Variants in RBFOX1 observed in about 807,000 individuals in gnomAD.
The protein encoded by RBFOX1 is RNA binding protein fox-1 homolog 1.
In RBFOX1, 8 loss-of-function variants were observed where a neutral mutation model predicts 57.7. That is an observed-to-expected ratio of 0.14 (90% CI 0.08 to 0.25). The LOEUF is 0.25. Among genes scored for constraint, RBFOX1 ranks in the 10% least tolerant of loss-of-function variants. The pLI is 1.00. For missense variants in RBFOX1, 611 were observed against 548.5 expected (o/e 1.11, Z -1.14); for synonymous variants, 326 against 222.4 (o/e 1.47, Z -4.15).
intron 2 of RBFOX1, among the ~76,000 whole-genome samples, chr16:6,557,152 C>CAT (rs1012120726): frequency 1.3e-4 from 19 of 142,834 alleles, no homozygotes; most frequent in African/African-American, 3.8e-4. Flanking sequence ...TATATACACA[C>CAT]ATATATATAC....
chr16:6,582,459 C>G (rs1780066498), intron 2 of RBFOX1, among the ~76,000 whole-genome samples: 1 of 18,692 alleles, frequency 5.3e-5, no homozygotes, highest in Non-Finnish European at 1.2e-4. Context: ...ATGTTAGCGC[C>G]AATTTTTTTT....
chr16:5,475,104 T>C (rs1038561091), intron 2 of RBFOX1, among the ~76,000 whole-genome samples: 3 of 152,234 alleles, frequency 2.0e-5, no homozygotes, highest in Non-Finnish European at 2.9e-5. Context: ...TTTCGTTTAT[T>C]CAGCCAGTCT....
chr16:7,021,997 C>CCCCTCT (rs2039342889), intron 3 of RBFOX1, among the ~76,000 whole-genome samples: 1 of 32,170 alleles, frequency 3.1e-5, no homozygotes, highest in Non-Finnish European at 5.5e-5. Flanking sequence ...CTTCCCCCTC[C>CCCCTCT]CCCTCTCCCT....
chr16:7,226,555 C>T (rs1603377890), intron 4 of RBFOX1, among the ~76,000 whole-genome samples: 1 of 152,176 alleles, frequency 6.6e-6, no homozygotes, highest in African/African-American at 2.4e-5. Flanking sequence ...CTCAATGGTG[C>T]CTCCATAGGG....
intron 3 of RBFOX1, among the ~76,000 whole-genome samples, chr16:5,767,723 G>C (rs997359768): frequency 5.3e-5 from 8 of 152,104 alleles, no homozygotes; most frequent in Non-Finnish European, 1.2e-4. Flanking sequence ...TGTTGACAGG[G>C]GAATCCTGTT....
intron 3 of RBFOX1, among the ~76,000 whole-genome samples, chr16:6,843,972 T>C (rs1170646340): frequency 6.6e-6 from 1 of 152,144 alleles, no homozygotes; most frequent in Non-Finnish European, 1.5e-5. Context: ...GATCGTAATG[T>C]GTACAATTCA....
At chr16:6,113,985 G>C (rs932779097) in intron 1 of RBFOX1, among the ~76,000 whole-genome samples, 9 of 152,148 alleles carry the variant, frequency 5.9e-5, no homozygotes, top group Non-Finnish European at 8.8e-5. Flanking sequence ...CTGTCAAAGA[G>C]GTTTCACTTA....
At chr16:5,670,385 G>A (rs1178718031) in intron 3 of RBFOX1, among the ~76,000 whole-genome samples, 1 of 152,154 alleles carries the variant, frequency 6.6e-6, no homozygotes. Flanking sequence ...GAGCAAATCA[G>A]GATTGCTGAG....
At chr16:7,586,001 C>A (rs1465216698) in intron 6 of RBFOX1, among the ~76,000 whole-genome samples, 3 of 151,988 alleles carry the variant, frequency 2.0e-5, no homozygotes, top group Non-Finnish European at 4.4e-5. Context: ...GAATACAAAA[C>A]CTCTGGGGGT....
chr16:7,546,024 A>AG (rs2084394455), intron 5 of RBFOX1, among the ~76,000 whole-genome samples: 2 of 148,234 alleles, frequency 1.3e-5, no homozygotes, highest in Non-Finnish European at 3.0e-5. Flanking sequence ...TAAAAAAAAA[A>AG]AAAAAAGAAA....
chr16:5,346,819 T>G (rs2065150507), intron 1 of RBFOX1, among the ~76,000 whole-genome samples: 1 of 152,202 alleles, frequency 6.6e-6, no homozygotes, highest in African/African-American at 2.4e-5. Context: ...CTTTGTGCTC[T>G]TCAGTGTTCC....
intron 4 of RBFOX1, among the ~76,000 whole-genome samples, chr16:7,293,706 G>C (rs752360093): frequency 2.0e-5 from 3 of 152,132 alleles, no homozygotes; most frequent in African/African-American, 4.8e-5. Context: ...TGAGAGCCAG[G>C]AAGGTTTTCT....
chr16:6,583,371 A>T (rs1312034838), intron 2 of RBFOX1, among the ~76,000 whole-genome samples: 1 of 152,210 alleles, frequency 6.6e-6, no homozygotes, highest in Non-Finnish European at 1.5e-5. Context: ...TGCTGATGCC[A>T]AACAAGAGGA....
At chr16:5,271,041 G>C (rs1306638428) in intron 1 of RBFOX1, 3 of 260,590 alleles carry the variant, frequency 1.2e-5, no homozygotes, top group East Asian at 2.9e-4. Flanking sequence ...AAATTAGTCT[G>C]GTGTGGTGGT....
At chr16:6,023,814 C>T (rs541420950) in intron 1 of RBFOX1, among the ~76,000 whole-genome samples, 4 of 152,272 alleles carry the variant, frequency 2.6e-5, no homozygotes, top group East Asian at 3.9e-4. Flanking sequence ...AACACCGAGG[C>T]GACGTTTTTA....
At chr16:7,363,309 C>T (rs2097366634) in intron 4 of RBFOX1, among the ~76,000 whole-genome samples, 1 of 152,150 alleles carries the variant, frequency 6.6e-6, no homozygotes, top group East Asian at 1.9e-4. Context: ...TGTCTCCCAT[C>T]TAACTACTTG....
At chr16:7,241,895 G>T (rs918715617) in intron 4 of RBFOX1, among the ~76,000 whole-genome samples, 3 of 151,866 alleles carry the variant, frequency 2.0e-5, no homozygotes, top group Non-Finnish European at 4.4e-5. Context: ...TATGTGATTT[G>T]TGTATACATA....
intron 4 of RBFOX1, among the ~76,000 whole-genome samples, chr16:7,372,132 A>C (rs991506306): frequency 6.6e-6 from 1 of 152,182 alleles, no homozygotes; most frequent in Non-Finnish European, 1.5e-5. Flanking sequence ...CATAACTTCC[A>C]TTTAAAGATG....
intron 14 of RBFOX1, among the ~76,000 whole-genome samples, chr16:7,685,268 AATT>A (rs1345222129): frequency 1.8e-4 from 28 of 152,070 alleles, no homozygotes; most frequent in African/African-American, 6.3e-4. Flanking sequence ...TATCTTTATA[AATT>A]ATTGACTTTT....
Sources: allele counts gnomAD v4.1 joint callset (sites outside exome capture counted in the v4.1 genomes callset), GRCh38; gene constraint gnomAD v4.1.1; transcripts MANE v1.5; gene names NCBI Gene and HGNC (gene_info 2026-07-23, HGNC 2026-07-21).